Variants in INPP5A observed in about 807,000 individuals in gnomAD.
The protein encoded by INPP5A is 43 kDa inositol polyphosphate 5-phophatase.
Under a neutral mutation model 65.2 loss-of-function variants are expected in INPP5A, and 14 were observed. The ratio of observed to expected loss-of-function variants is 0.21; its 90% confidence interval spans 0.14 to 0.34. INPP5A has a LOEUF of 0.34. INPP5A is among the 10% of genes least tolerant of loss of function. The probability of loss-of-function intolerance (pLI) is 1.00; values close to 1 mark genes in which losing one functional copy is unlikely to be tolerated. For synonymous variants in INPP5A, 207 were observed against 208.3 expected, an observed-to-expected ratio of 0.99 and a Z score of 0.05; for missense variants, 431 against 545.6, an observed-to-expected ratio of 0.79 and a Z score of 2.09.
intron 4 of INPP5A, among the ~76,000 whole-genome samples, chr10:132,683,641 C>T (rs2073081665): frequency 6.6e-6 from 1 of 152,240 alleles, no homozygotes; most frequent in Admixed American, 6.5e-5. Context: ...ATTATTATAG[C>T]ATCAATTACA....
Position 132,538,024 on chromosome 10 carries a change from C to A in INPP5A, c.-73C>A. The A allele has an allele frequency of 2.6e-6, 2 of 763,312 alleles. No homozygotes were observed. Among genetic ancestry groups the A allele is most frequent in the South Asian group, 5.6e-5 (1 of 17,784 alleles). 47.3% of individuals were successfully genotyped at this position (763,312 alleles called of 1,614,324 possible). ...GACGCCCCGCGGCCCCGCGAAGACC[C>A]CGGCCGGCCGGTCCCGGAGGAAGCG... On this transcript the variant is annotated 5_prime_UTR_variant, in exon 1 of 16. Coordinates refer to ENST00000368594, the MANE Select transcript of INPP5A (RefSeq NM_005539.5). The surrounding 1 kb of genome is among the most constrained non-coding windows in gnomAD (Gnocchi z 4.1).
rs184596012 is a variant in INPP5A, at chr10:132,538,393, C to G, written c.75+222C>G. On this transcript the variant is annotated intron_variant, in intron 1 of 15. Coordinates refer to ENST00000368594, the MANE Select transcript of INPP5A (RefSeq NM_005539.5). The surrounding 1 kb of genome is among the most constrained non-coding windows in gnomAD (Gnocchi z 4.1). ...CAAGCCCGAGACCTGAAGACCTGGG[C>G]CCTGAATCCCCGAACCCCATCCTCC... 3.3e-5 allele frequency among the ~76,000 whole-genome samples: 5 copies of G among 152,262 alleles called. No homozygotes were observed. The highest frequency in any genetic ancestry group is 5.9e-5 in the Non-Finnish European group (4 of 68,012).
chr10:132,777,885 T>C (rs4880427), intron 13 of INPP5A, 103 bp downstream of exon 13: 332,223 of 1,538,026 alleles, frequency 0.22, 37,463 homozygotes, highest in Non-Finnish European at 0.23. Context: ...GGGCACCCAG[T>C]CTGGGGAATG....
chr10:132,670,848 T>TC (rs1443584766), intron 4 of INPP5A, among the ~76,000 whole-genome samples: 2 of 149,838 alleles, frequency 1.3e-5, no homozygotes, highest in Non-Finnish European at 1.5e-5. Context: ...TCTTTCTTTT[T>TC]TTTTTTTTTT....
At chr10:132,712,121 G>T (rs1446039218) in intron 8 of INPP5A, among the ~76,000 whole-genome samples, 1 of 152,244 alleles carries the variant, frequency 6.6e-6, no homozygotes, top group African/African-American at 2.4e-5. Context: ...AGGCAGGTGG[G>T]GTTATGAAGG....
At chr10:132,752,232 T>A (rs985204967) in intron 11 of INPP5A, among the ~76,000 whole-genome samples, 1 of 151,630 alleles carries the variant, frequency 6.6e-6, no homozygotes, top group Non-Finnish European at 1.5e-5. Flanking sequence ...GGGAGCAAAG[T>A]CTCCGGGGAC....
chr10:132,694,949 T>A (rs1845321973), intron 5 of INPP5A, among the ~76,000 whole-genome samples: 1 of 152,228 alleles, frequency 6.6e-6, no homozygotes, highest in African/African-American at 2.4e-5. Flanking sequence ...GTGAATTCTA[T>A]CAAGCATTTA....
At chr10:132,540,692 G>A (rs1246704063) in intron 1 of INPP5A, among the ~76,000 whole-genome samples, 1 of 152,240 alleles carries the variant, frequency 6.6e-6, no homozygotes, top group East Asian at 1.9e-4. Flanking sequence ...GATTTCAGGG[G>A]ACCTGCTTTG....
intron 11 of INPP5A, among the ~76,000 whole-genome samples, chr10:132,759,845 T>C (rs1465955446): frequency 4.6e-5 from 7 of 152,150 alleles, no homozygotes; most frequent in African/African-American, 1.7e-4. Flanking sequence ...CAGAGTCCCC[T>C]GGGCCTGTTC....
At chr10:132,779,750 C>T (rs1009543212) in intron 13 of INPP5A, among the ~76,000 whole-genome samples, 8 of 152,232 alleles carry the variant, frequency 5.3e-5, no homozygotes, top group South Asian at 4.1e-4. Flanking sequence ...GGGCGCGCTC[C>T]GCAGCCTCAT....
chr10:132,623,396 G>T (rs1392420440), intron 2 of INPP5A, among the ~76,000 whole-genome samples: 1 of 141,970 alleles, frequency 7.0e-6, no homozygotes, highest in East Asian at 2.1e-4. Flanking sequence ...GAAAGGAACA[G>T]TTTTTTTTTT....
At position 132,698,718 on chromosome 10, in the gene INPP5A, G is replaced by A. The variant is rs1224925479; in HGVS notation, c.474+799G>A. ...ACTGAGACGGAAGAGCTGGCAGCTGGACGCAGGTTTGGGGGCGTCCAGGCT... is the reference window on the plus strand; with the variant it reads ...ACTGAGACGGAAGAGCTGGCAGCTGAACGCAGGTTTGGGGGCGTCCAGGCT... On this transcript the variant is annotated intron_variant, in intron 6 of 15. Coordinates refer to ENST00000368594, the MANE Select transcript of INPP5A (RefSeq NM_005539.5). The surrounding 1 kb of genome is among the most constrained non-coding windows in gnomAD (Gnocchi z 5.5). Among the ~76,000 whole-genome samples, 1 of 152,206 alleles carries A rather than the reference G, an allele frequency of 6.6e-6. No individual in the cohort carries two copies. The highest frequency in any genetic ancestry group is 2.4e-5 in the African/African-American group (1 of 41,436).
In INPP5A at chr10:132,616,987, T is replaced by C. The variant is rs2072043436; in HGVS notation, c.117+9031T>C. Among the ~76,000 whole-genome samples the C allele has an allele frequency of 6.6e-6, 1 of 152,116 alleles. No individual in the cohort carries two copies. Among genetic ancestry groups the C allele is most frequent in the African/African-American group, 2.4e-5 (1 of 41,406 alleles). On this transcript the variant is annotated intron_variant, in intron 2 of 15. Coordinates refer to ENST00000368594, the MANE Select transcript of INPP5A (RefSeq NM_005539.5). The surrounding 1 kb of genome is among the most constrained non-coding windows in gnomAD (Gnocchi z 4.9). ...TCCTTCGAAGCAGCCTGGGTCTGTC[T>C]GCTCCCTGGGGTCAGATGCAGGCCG...
intron 5 of INPP5A, among the ~76,000 whole-genome samples, chr10:132,693,634 A>G (rs1845302209): frequency 6.6e-6 from 1 of 152,228 alleles, no homozygotes; most frequent in Non-Finnish European, 1.5e-5. Flanking sequence ...AAGAAAAGTA[A>G]ATTAAACCAA....
chr10:132,691,767 A>G (rs578008645), intron 5 of INPP5A, among the ~76,000 whole-genome samples: 11 of 152,176 alleles, frequency 7.2e-5, no homozygotes, highest in Admixed American at 2.6e-4. Flanking sequence ...GCATGCAGAC[A>G]CAGGAGGCGT....
chr10:132,635,628 C>T (rs2072338263), intron 2 of INPP5A, among the ~76,000 whole-genome samples: 1 of 151,588 alleles, frequency 6.6e-6, no homozygotes, highest in South Asian at 2.1e-4. Context: ...ATCTCCTGAC[C>T]TCGTGACCCG....
At position 132,747,567 on chromosome 10, in the gene INPP5A, G is replaced by A. The variant is rs118013972; in HGVS notation, c.733-1950G>A. 3.6e-3 allele frequency among the ~76,000 whole-genome samples: 541 copies of A among 152,342 alleles called. 1 individual carries two copies. The highest frequency in any genetic ancestry group is 0.012 in the African/African-American group (500 of 41,586). ...TGCCCGGAACCTGCACAGGAAGGCCGGGCACCGGCCCAGGGGTGTCCTCCT... is the reference window on the plus strand; with the variant it reads ...TGCCCGGAACCTGCACAGGAAGGCCAGGCACCGGCCCAGGGGTGTCCTCCT... On this transcript the variant is annotated intron_variant, in intron 9 of 15. Transcript: ENST00000368594.
At chr10:132,724,545 G>A (rs1293317064) in intron 8 of INPP5A, among the ~76,000 whole-genome samples, 1 of 151,838 alleles carries the variant, frequency 6.6e-6, no homozygotes, top group Non-Finnish European at 1.5e-5. Flanking sequence ...AGGAGCACGT[G>A]TTCACCACAG....
intron 2 of INPP5A, among the ~76,000 whole-genome samples, chr10:132,624,054 TA>T (rs1485996098): frequency 1.3e-5 from 2 of 152,242 alleles, no homozygotes; most frequent in Non-Finnish European, 1.5e-5. Context: ...CCGGAAGTCC[TA>T]TGCCTGCTGC....
Sources: allele counts gnomAD v4.1 joint callset (sites outside exome capture counted in the v4.1 genomes callset), GRCh38; gene constraint gnomAD v4.1.1; non-coding constraint Gnocchi (gnomAD v3.1); transcripts MANE v1.5; gene names NCBI Gene and HGNC (gene_info 2026-07-23, HGNC 2026-07-21).